Variants in C7orf78 observed in about 807,000 individuals in gnomAD.
C7orf78 encodes chromosome 7 open reading frame 78.
chr7:12,500,845 A>T, the C7orf78 span, among the ~76,000 whole-genome samples: 3 of 147,958 alleles, frequency 2.0e-5, no homozygotes, highest in African/African-American at 7.7e-5. Context: ...AATACTGGCA[A>T]ACTGAATCCA....
chr7:12,525,042 G>A, the C7orf78 span, among the ~76,000 whole-genome samples: 1 of 152,006 alleles, frequency 6.6e-6, no homozygotes, highest in Admixed American at 6.6e-5. Context: ...AACGAACTTG[G>A]TCTCATGTTG....
the C7orf78 span, among the ~76,000 whole-genome samples, chr7:12,486,424 C>G: frequency 6.6e-6 from 1 of 151,678 alleles, no homozygotes; most frequent in Non-Finnish European, 1.5e-5. Flanking sequence ...CTCTTTGGTG[C>G]CTTAGTTCCA....
At chr7:12,515,654 T>C in the C7orf78 span, among the ~76,000 whole-genome samples, 12 of 152,158 alleles carry the variant, frequency 7.9e-5, no homozygotes, top group Admixed American at 7.9e-4. Flanking sequence ...ATGGCTTTGA[T>C]CAAAAGCCTG....
At chr7:12,515,133 A>T in the C7orf78 span, among the ~76,000 whole-genome samples, 2 of 152,134 alleles carry the variant, frequency 1.3e-5, no homozygotes, top group African/African-American at 4.8e-5. Flanking sequence ...CTTCATGTCA[A>T]TATGGTTTGG....
the C7orf78 span, among the ~76,000 whole-genome samples, chr7:12,506,306 G>A: frequency 6.6e-6 from 1 of 152,032 alleles, no homozygotes; most frequent in East Asian, 1.9e-4. Context: ...ATACCCAAAG[G>A]GTTATAAATC....
the C7orf78 span, among the ~76,000 whole-genome samples, chr7:12,500,195 T>A: frequency 6.7e-6 from 1 of 150,320 alleles, no homozygotes; most frequent in Non-Finnish European, 1.5e-5. Flanking sequence ...GCAAACACAT[T>A]CAAAAGCTAG....
the C7orf78 span, among the ~76,000 whole-genome samples, chr7:12,511,918 A>ATTTTTTTT: frequency 1.5e-4 from 12 of 80,564 alleles, no homozygotes; most frequent in African/African-American, 3.0e-4. Context: ...CACCTGGCTA[A>ATTTTTTTT]TTTTTTTTTT....
the C7orf78 span, among the ~76,000 whole-genome samples, chr7:12,530,051 C>G: frequency 6.9e-6 from 1 of 144,386 alleles, no homozygotes; most frequent in African/African-American, 2.6e-5. Context: ...TTCAATGCCT[C>G]TTCCCTATTT....
the C7orf78 span, among the ~76,000 whole-genome samples, chr7:12,534,163 A>G: frequency 2.0e-5 from 3 of 152,316 alleles, no homozygotes; most frequent in Non-Finnish European, 4.4e-5. Context: ...ACTTTGGCAG[A>G]GCCTATAGAT....
At chr7:12,535,883 A>G in the C7orf78 span, among the ~76,000 whole-genome samples, 1 of 152,358 alleles carries the variant, frequency 6.6e-6, no homozygotes. Flanking sequence ...CATGTCTCAC[A>G]TCCAGGTCAT....
chr7:12,488,946 G>A, the C7orf78 span, among the ~76,000 whole-genome samples: 1 of 146,528 alleles, frequency 6.8e-6, no homozygotes, highest in African/African-American at 2.5e-5. Context: ...CTTTGGCTAA[G>A]AAGAGTTTCC....
At chr7:12,500,989 A>T in the C7orf78 span, among the ~76,000 whole-genome samples, 37 of 151,726 alleles carry the variant, frequency 2.4e-4, no homozygotes, top group Admixed American at 2.4e-3. Flanking sequence ...CCACATGGTT[A>T]TCTCAATAGA....
At chr7:12,539,729 A>G in the C7orf78 span, among the ~76,000 whole-genome samples, 12 of 152,310 alleles carry the variant, frequency 7.9e-5, no homozygotes, top group African/African-American at 2.9e-4. Context: ...GCAGTCAAGG[A>G]GATGAGAGCT....
At chr7:12,497,025 A>G in the C7orf78 span, among the ~76,000 whole-genome samples, 1 of 152,226 alleles carries the variant, frequency 6.6e-6, no homozygotes, top group African/African-American at 2.4e-5. Context: ...ACTTTAAATA[A>G]AATGAACAGT....
chr7:12,497,677 A>G, the C7orf78 span, among the ~76,000 whole-genome samples: 15 of 152,250 alleles, frequency 9.9e-5, no homozygotes, highest in East Asian at 9.7e-4. Flanking sequence ...ACCATTGCCC[A>G]GGCTTGATTA....
At chr7:12,483,713 C>CAA in the C7orf78 span, 17,806 of 136,692 alleles carry the variant, frequency 0.13, 1,627 homozygotes, top group African/African-American at 0.26. Context: ...ACTAAAACTA[C>CAA]AAAAAAAAAA....
At chr7:12,502,783 C>T in the C7orf78 span, among the ~76,000 whole-genome samples, 22,484 of 136,576 alleles carry the variant, frequency 0.16, 2,351 homozygotes, top group South Asian at 0.24. Context: ...CACATGCACA[C>T]GTATGTTTAT....
At chr7:12,509,813 A>C in the C7orf78 span, among the ~76,000 whole-genome samples, 1 of 152,162 alleles carries the variant, frequency 6.6e-6, no homozygotes, top group Non-Finnish European at 1.5e-5. Flanking sequence ...AGCCAGGTGC[A>C]GTGGCTCATG....
chr7:12,490,409 T>G, the C7orf78 span, among the ~76,000 whole-genome samples: 1 of 152,136 alleles, frequency 6.6e-6, no homozygotes, highest in Non-Finnish European at 1.5e-5. Flanking sequence ...ACTACTTTTA[T>G]AACTCTGGTT....
Sources: gnomAD v4.1 joint callset for allele counts (sites outside exome capture counted in the v4.1 genomes callset) on GRCh38, gnomAD v4.1.1 for gene constraint, MANE v1.5 for transcripts, NCBI Gene and HGNC (gene_info 2026-07-23, HGNC 2026-07-21) for gene names.